Variants in EEA1 observed in about 807,000 individuals in gnomAD.
EEA1 encodes early endosome antigen 1.
Under a neutral mutation model 209.2 loss-of-function variants are expected in EEA1, and 111 were observed. The ratio of observed to expected loss-of-function variants is 0.53; its 90% CI spans 0.45 to 0.62. The LOEUF (loss-of-function observed/expected upper bound fraction) is 0.62. Ranked by LOEUF, EEA1 falls within the 20% of genes least tolerant of loss-of-function variation. The pLI is 0.00. For synonymous variants in EEA1, 536 were observed against 540.6 expected (o/e 0.99, Z 0.12); for missense variants, 1,343 against 1,530.8 (o/e 0.88, Z 2.05).
At chr12:92,897,436 A>G (rs140326060) in intron 1 of EEA1, among the ~76,000 whole-genome samples, 67 of 152,308 alleles carry the variant, frequency 4.4e-4, no homozygotes, top group African/African-American at 1.6e-3. Flanking sequence ...AATGTGGGTT[A>G]CCACTTCATT....
At chr12:92,886,805 T>C (rs1879426798) in intron 2 of EEA1, among the ~76,000 whole-genome samples, 1 of 152,038 alleles carries the variant, frequency 6.6e-6, no homozygotes, top group Non-Finnish European at 1.5e-5. Flanking sequence ...GAGACCATCC[T>C]GGCTAACATG....
At chr12:92,852,097 T>G in intron 8 of EEA1, 78 bp downstream of exon 8, 1 of 1,163,748 alleles carries the variant, frequency 8.6e-7, no homozygotes. Context: ...TTTTTAAACA[T>G]TTTCCTTCAG....
intron 1 of EEA1, among the ~76,000 whole-genome samples, chr12:92,915,093 G>A (rs1347673568): frequency 1.3e-5 from 2 of 152,112 alleles, no homozygotes; most frequent in African/African-American, 2.4e-5. Context: ...ATTAGTGTCT[G>A]GCATTATGGT....
intron 10 of EEA1, among the ~76,000 whole-genome samples, chr12:92,837,830 T>C (rs1379105407): frequency 6.6e-6 from 1 of 152,226 alleles, no homozygotes; most frequent in African/African-American, 2.4e-5. Flanking sequence ...CCACAAAAGC[T>C]GCCCAGGACA....
At chr12:92,841,439 A>G (rs576485471) in intron 10 of EEA1, among the ~76,000 whole-genome samples, 9 of 152,302 alleles carry the variant, frequency 5.9e-5, no homozygotes, top group African/African-American at 2.2e-4. Flanking sequence ...AATAGACCTT[A>G]ACAAAAATGA....
intron 5 of EEA1, among the ~76,000 whole-genome samples, chr12:92,856,381 A>T (rs986532735): frequency 6.6e-6 from 1 of 152,212 alleles, no homozygotes; most frequent in Non-Finnish European, 1.5e-5. Context: ...CTATTCAAAG[A>T]GAACCACTTT....
chr12:92,877,408 T>C (rs1021598299), intron 2 of EEA1, among the ~76,000 whole-genome samples: 3 of 152,258 alleles, frequency 2.0e-5, no homozygotes, highest in African/African-American at 4.8e-5. Context: ...TACAATAATA[T>C]GTGAGGGTTA....
At chr12:92,921,749 T>TAAA (rs1028024768) in intron 1 of EEA1, among the ~76,000 whole-genome samples, 2 of 34,318 alleles carry the variant, frequency 5.8e-5, no homozygotes, top group African/African-American at 1.2e-4. Context: ...TAAAGTATAA[T>TAAA]AAAAAAAAAG....
At chr12:92,797,547 ACT>A (rs1338904971) in intron 21 of EEA1, among the ~76,000 whole-genome samples, 1 of 152,140 alleles carries the variant, frequency 6.6e-6, no homozygotes, top group African/African-American at 2.4e-5. Flanking sequence ...TATTATTATA[ACT>A]CATAATTTTT....
rs1374071213 is a variant in EEA1 at position 92,811,325 on chromosome 12, T to C, written c.2153A>G (p.Tyr718Cys). ...ESHLKEYKEK[Y>C]LSLEQKTEEL... ...TTCGGTTTTCTGTTCTAAAGAGAGG[T>C]ATTTCTCTTTATATTCTTTAAGATG... Residue 718 changes from tyrosine (Y) to cysteine (C), a missense_variant, in exon 17 of 29, where the codon TAC (tyrosine) becomes TGC (cysteine). Physicochemically the swap from Tyr to Cys is radical, Grantham distance 194 (BLOSUM62 -2). Around this residue, in one of 3 missense-constraint regions of EEA1, gnomAD observed 1,307 missense variants for 1,465.5 expected, o/e 0.89. Transcript: ENST00000322349. The C allele has an allele frequency of 3.5e-5, 56 of 1,596,866 alleles. No homozygotes were observed. Among genetic ancestry groups the C allele is most frequent in the Non-Finnish European group, 4.8e-5 (56 of 1,172,580 alleles).
chr12:92,776,616 C>A (rs183124346), intron 28 of EEA1, among the ~76,000 whole-genome samples: 33 of 151,846 alleles, frequency 2.2e-4, no homozygotes, highest in African/African-American at 7.2e-4. Context: ...AAATGATTGT[C>A]CCAGACAGTA....
At chr12:92,803,238 T>A (rs1294143456) in intron 18 of EEA1, among the ~76,000 whole-genome samples, 2 of 152,152 alleles carry the variant, frequency 1.3e-5, no homozygotes, top group African/African-American at 4.8e-5. Flanking sequence ...TAAAAAAATA[T>A]TTTATTTACA....
chr12:92,783,880 C>G (rs1365458795), intron 22 of EEA1, among the ~76,000 whole-genome samples: 3 of 151,494 alleles, frequency 2.0e-5, no homozygotes, highest in African/African-American at 7.3e-5. Flanking sequence ...AGCAAAGGAT[C>G]CTTGCTGAGT....
At chr12:92,783,019 T>C (rs2136651487) in intron 22 of EEA1, among the ~76,000 whole-genome samples, 1 of 152,350 alleles carries the variant, frequency 6.6e-6, no homozygotes, top group Middle Eastern at 3.4e-3. Context: ...TCTTCATCTG[T>C]ATTCTCTGTA....
chr12:92,919,346 A>T (rs1474165425), intron 1 of EEA1, among the ~76,000 whole-genome samples: 1 of 147,470 alleles, frequency 6.8e-6, no homozygotes, highest in Non-Finnish European at 1.5e-5. Flanking sequence ...AAAAATCCTC[A>T]ATAAAATACT....
rs1873648015 is a variant in EEA1, at chr12:92,776,105, A to C, written c.4142T>G (p.Phe1381Cys). The stretch of plus-strand genomic sequence containing the variant: ...ATTTTTGGCTGAACATTCAGCACAG[A>C]AGATATTTCCACACTGTCGGCAGTG... ...RHHCRQCGNI[F>C]CAECSAKNAL... is the part of the protein sequence containing the mutation. Residue 1381 changes from phenylalanine (F) to cysteine (C), a missense_variant, in exon 29 of 29, where the codon TTC becomes TGC. Phe to Cys is a radical substitution (Grantham distance 205). Transcript: ENST00000322349. 6.2e-7 allele frequency: 1 copy of C among 1,610,378 alleles called. No homozygotes were observed. The highest frequency in any genetic ancestry group is 8.5e-7 in the Non-Finnish European group (1 of 1,177,846).
intron 10 of EEA1, among the ~76,000 whole-genome samples, chr12:92,835,123 C>T (rs930500514): frequency 3.3e-5 from 5 of 151,754 alleles, no homozygotes; most frequent in Non-Finnish European, 7.4e-5. Flanking sequence ...CCTCATGATC[C>T]GCCCACCTCG....
intron 18 of EEA1, among the ~76,000 whole-genome samples, chr12:92,803,679 T>A (rs1365101098): frequency 6.6e-6 from 1 of 152,114 alleles, no homozygotes; most frequent in Non-Finnish European, 1.5e-5. Context: ...ATCTAATTTT[T>A]TAGTTCTAGA....
At chr12:92,922,896 T>C (rs1881058276) in intron 1 of EEA1, among the ~76,000 whole-genome samples, 1 of 151,020 alleles carries the variant, frequency 6.6e-6, no homozygotes, top group East Asian at 1.9e-4. Context: ...AGGCAGAGGT[T>C]GCAGTGAGCT....
Sources: allele counts gnomAD v4.1 joint callset (sites outside exome capture counted in the v4.1 genomes callset), GRCh38; gene constraint gnomAD v4.1.1; regional missense constraint gnomAD v4.1.1; transcripts MANE v1.5; gene names NCBI Gene and HGNC (gene_info 2026-07-23, HGNC 2026-07-21).